The following FNIP1 variants were observed in gnomAD, a reference collection of about 807,000 sequenced individuals.
FNIP1 encodes the protein folliculin interacting protein 1.
A neutral mutation model predicts 124.5 loss-of-function variants in FNIP1; 40 were observed. The observed-to-expected ratio is 0.32, with a 90% CI of 0.25 to 0.42. The LOEUF (loss-of-function observed/expected upper bound fraction) is 0.42. Among genes scored for constraint, FNIP1 ranks in the 10% least tolerant of loss-of-function variants. The pLI, the probability that FNIP1 is intolerant of heterozygous loss-of-function variation, is 1.00. For missense variants in FNIP1, 1,176 were observed against 1,403.7 expected (o/e 0.84, Z 2.59); for synonymous variants, 472 against 470.6 (o/e 1.00, Z -0.04).
At chr5:131,766,278 T>C (rs1394836334) in intron 1 of FNIP1, among the ~76,000 whole-genome samples, 1 of 151,946 alleles carries the variant, frequency 6.6e-6, no homozygotes, top group Non-Finnish European at 1.5e-5. Context: ...CTGGTCTCAA[T>C]CAATCCTCCT....
rs191494767 is a variant in FNIP1 at position 131,729,715 on chromosome 5, C to A, written c.354+1189G>T. Among the ~76,000 whole-genome samples the A allele has an allele frequency of 3.9e-4, 59 of 151,348 alleles. 1 individual carries two copies. Among genetic ancestry groups the A allele is most frequent in the African/African-American group, 1.4e-3 (58 of 41,250 alleles). On this transcript the variant is annotated intron_variant, in intron 3 of 17. Transcript: ENST00000510461. ...ACCTCAGCCTCCTGAGTAGCTGGGA[C>A]TACAGGCTCACACCACCACACACAG...
intron 15 of FNIP1, among the ~76,000 whole-genome samples, chr5:131,669,152 A>C (rs538586537): frequency 6.6e-6 from 1 of 152,354 alleles, no homozygotes; most frequent in Non-Finnish European, 1.5e-5. Context: ...ACCAAAATGG[A>C]CTCAGAAACA....
At chr5:131,722,784 C>A (rs1407575460) in intron 3 of FNIP1, among the ~76,000 whole-genome samples, 1 of 152,198 alleles carries the variant, frequency 6.6e-6, no homozygotes, top group Non-Finnish European at 1.5e-5. Context: ...CTCCTGGGTT[C>A]AAGCAATTCT....
chr5:131,699,099 G>A (rs1484881587), intron 10 of FNIP1, 97 bp from the exon 11 acceptor site: 48 of 774,736 alleles, frequency 6.2e-5, no homozygotes, highest in South Asian at 1.5e-4. Context: ...TTTACACAAC[G>A]CTCTATCAAA....
At chr5:131,697,096 T>G (rs2149528781) in intron 11 of FNIP1, among the ~76,000 whole-genome samples, 1 of 152,272 alleles carries the variant, frequency 6.6e-6, no homozygotes, top group South Asian at 2.1e-4. Context: ...TTACACAAAC[T>G]AAAACAGCCT....
At chr5:131,766,642 T>C (rs1485347009) in intron 1 of FNIP1, among the ~76,000 whole-genome samples, 1 of 152,114 alleles carries the variant, frequency 6.6e-6, no homozygotes, top group Non-Finnish European at 1.5e-5. Context: ...TGACAGGCCA[T>C]CTGCAAGGTG....
chr5:131,728,015 T>C (rs1316472583), intron 3 of FNIP1, among the ~76,000 whole-genome samples: 1 of 152,248 alleles, frequency 6.6e-6, no homozygotes, highest in Non-Finnish European at 1.5e-5. Flanking sequence ...CCCCACTCTC[T>C]TCTGGCTTTA....
At chr5:131,746,086 A>C (rs1223122086) in intron 1 of FNIP1, among the ~76,000 whole-genome samples, 5 of 152,212 alleles carry the variant, frequency 3.3e-5, no homozygotes, top group African/African-American at 1.2e-4. Flanking sequence ...TTACATATCC[A>C]TTACATTCCA....
At chr5:131,785,210 C>A (rs1267592930) in intron 1 of FNIP1, among the ~76,000 whole-genome samples, 1 of 144,286 alleles carries the variant, frequency 6.9e-6, no homozygotes, top group Non-Finnish European at 1.5e-5. Flanking sequence ...ATATATATAT[C>A]ATAACGCTAT....
intron 1 of FNIP1, among the ~76,000 whole-genome samples, chr5:131,749,665 T>A (rs1269569858): frequency 3.3e-5 from 5 of 152,208 alleles, no homozygotes; most frequent in African/African-American, 1.2e-4. Context: ...GTGCTGGGAT[T>A]ACAGGTGTGA....
chr5:131,779,913 C>A (rs1771941254), intron 1 of FNIP1, among the ~76,000 whole-genome samples: 2 of 151,478 alleles, frequency 1.3e-5, no homozygotes, highest in Non-Finnish European at 2.9e-5. Context: ...TAATAAAAAG[C>A]TTTAGGGATG....
chr5:131,646,744 C>T (rs147927340), intron 17 of FNIP1, among the ~76,000 whole-genome samples: 109 of 152,266 alleles, frequency 7.2e-4, no homozygotes, highest in African/African-American at 2.6e-3. Context: ...CTTCTGTTAC[C>T]TCAACCAGCT....
intron 13 of FNIP1, among the ~76,000 whole-genome samples, chr5:131,673,392 A>G (rs1033536901): frequency 1.6e-4 from 25 of 152,050 alleles, no homozygotes; most frequent in African/African-American, 6.0e-4. Flanking sequence ...TGACTATTCA[A>G]GGGAGGAAGA....
At chr5:131,737,640 C>A (rs147924024) in intron 2 of FNIP1, among the ~76,000 whole-genome samples, 1 of 152,128 alleles carries the variant, frequency 6.6e-6, no homozygotes, top group South Asian at 2.1e-4. Flanking sequence ...ATCTATAAAT[C>A]GGAATAATAA....
intron 16 of FNIP1, 151 bp from the exon 17 acceptor site, chr5:131,647,356 T>C (rs148816601): frequency 4.4e-4 from 253 of 574,826 alleles, no homozygotes; most frequent in African/African-American, 4.3e-3. Context: ...TATGTAGTTT[T>C]AGCTAAAAAG....
Position 131,644,864 on chromosome 5 carries a change from G to T in FNIP1, c.3423-101C>A, listed in dbSNP as rs1385722799. The stretch of plus-strand genomic sequence containing the variant: ...AACTGTAAGGTCACTATACCTCAAC[G>T]GTTAAGGAGCTAGGCCACTCTGGCC... On this transcript the variant is annotated intron_variant, in intron 17 of 17. Transcript: ENST00000510461. 9.5e-6 allele frequency: 11 copies of T among 1,155,160 alleles called. No individual in the cohort carries two copies. In the African/African-American group the frequency reaches 1.5e-4, roughly 16 times the overall value. 71.6% of individuals were successfully genotyped at this position (1,155,160 alleles called of 1,614,324 possible).
Position 131,716,548 on chromosome 5 carries a change from T to G in FNIP1, c.622+17A>C. ...GCTAGTATTTTTTAAACTTATAAAA[T>G]CAAAGGAACCATTTACCTATATTTC... On this transcript the variant is annotated intron_variant, in intron 6 of 17. Coordinates refer to ENST00000510461, the MANE Select transcript of FNIP1 (RefSeq NM_133372.3). 1 of 1,534,408 alleles carries G rather than the reference T, an allele frequency of 6.5e-7. No homozygotes were observed. The highest frequency in any genetic ancestry group is 1.2e-5 in the South Asian group (1 of 84,328).
chr5:131,678,644 T>C (rs1216785421), intron 12 of FNIP1, among the ~76,000 whole-genome samples: 5 of 152,066 alleles, frequency 3.3e-5, no homozygotes, highest in Non-Finnish European at 2.9e-5. Context: ...TCTCCTGACC[T>C]CGTGATCCAC....
intron 1 of FNIP1, among the ~76,000 whole-genome samples, chr5:131,794,973 A>G (rs1772533838): frequency 6.6e-6 from 1 of 152,242 alleles, no homozygotes; most frequent in South Asian, 2.1e-4. Context: ...TATGCTTAAA[A>G]TGTATTTATA....
Sources: gnomAD v4.1 joint callset for allele counts (sites outside exome capture counted in the v4.1 genomes callset) on GRCh38, gnomAD v4.1.1 for gene constraint, MANE v1.5 for transcripts, NCBI Gene and HGNC (gene_info 2026-07-23, HGNC 2026-07-21) for gene names.